The following ZNF438 variants were observed in gnomAD, a reference collection of about 807,000 sequenced individuals.
ZNF438 encodes zinc finger protein 438.
Under a neutral mutation model 38.0 loss-of-function variants are expected in ZNF438, and 25 were observed. The observed-to-expected ratio is 0.66, with a 90% confidence interval of 0.48 to 0.92. The LOEUF (loss-of-function observed/expected upper bound fraction) is 0.92, where lower values mean the gene tolerates loss of function less well. Ranked by LOEUF, ZNF438 falls within the 40% of genes least tolerant of loss-of-function variation. The pLI, the probability that ZNF438 is intolerant of heterozygous loss-of-function variation, is 0.00. For missense variants in ZNF438, 1,007 were observed against 999.6 expected (o/e 1.01, Z -0.10); for synonymous variants, 372 against 364.1 (o/e 1.02, Z -0.25).
intron 1 of ZNF438, among the ~76,000 whole-genome samples, chr10:31,011,427 T>G (rs1325037543): frequency 6.6e-6 from 1 of 151,976 alleles, no homozygotes; most frequent in African/African-American, 2.4e-5. Context: ...GAATAAAAGG[T>G]CTGAAAACCT....
intron 4 of ZNF438, chr10:30,875,473 G>A: frequency 5.1e-6 from 5 of 984,010 alleles, no homozygotes; most frequent in Non-Finnish European, 6.0e-6. Flanking sequence ...CCTGATACTT[G>A]TTCCATTATT....
intron 2 of ZNF438, among the ~76,000 whole-genome samples, chr10:30,912,485 T>C (rs2043182860): frequency 6.6e-6 from 1 of 152,140 alleles, no homozygotes; most frequent in Non-Finnish European, 1.5e-5. Flanking sequence ...CCCTAGGATA[T>C]CTCATCCATT....
In ZNF438 at chr10:31,001,917, G is replaced by A. The variant is rs532434143; in HGVS notation, c.-192+29916C>T. ...ACACCCATGGCTGCAATACAGTGCC[G>A]AATGCAAATCAGAGTGCTCATTGGC... On this transcript the variant is annotated intron_variant, in intron 1 of 5. Transcript: ENST00000413025. Among the ~76,000 whole-genome samples the A allele has an allele frequency of 9.8e-4, 150 of 152,326 alleles. 2 individuals carry two copies. The highest frequency in any genetic ancestry group is 2.8e-3 in the African/African-American group (117 of 41,572).
At chr10:30,858,699 T>C (rs759405059) in intron 4 of ZNF438, among the ~76,000 whole-genome samples, 2 of 152,194 alleles carry the variant, frequency 1.3e-5, no homozygotes, top group Non-Finnish European at 1.5e-5. Flanking sequence ...TTTGAGACAA[T>C]GCAAAGGAAA....
At chr10:30,878,208 T>A (rs2038722271) in intron 3 of ZNF438, among the ~76,000 whole-genome samples, 1 of 152,172 alleles carries the variant, frequency 6.6e-6, no homozygotes, top group African/African-American at 2.4e-5. Flanking sequence ...CTGAATAATG[T>A]CTTTTTACCA....
chr10:30,917,706 A>C (rs2043812188), intron 2 of ZNF438, among the ~76,000 whole-genome samples: 1 of 152,158 alleles, frequency 6.6e-6, no homozygotes, highest in South Asian at 2.1e-4. Flanking sequence ...TTAGCTATAT[A>C]TTCCTTTGAC....
chr10:30,933,002 G>C (rs551933042), intron 2 of ZNF438, among the ~76,000 whole-genome samples: 29 of 152,350 alleles, frequency 1.9e-4, no homozygotes, highest in African/African-American at 6.5e-4. Flanking sequence ...GGTCCTGCCA[G>C]CACCTTGACT....
intron 2 of ZNF438, among the ~76,000 whole-genome samples, chr10:30,937,576 A>C (rs2046386523): frequency 6.6e-6 from 1 of 152,210 alleles, no homozygotes; most frequent in African/African-American, 2.4e-5. Context: ...CCTTCCATTA[A>C]ATGCAAACTG....
intron 3 of ZNF438, among the ~76,000 whole-genome samples, chr10:30,884,545 T>C (rs1004965410): frequency 6.6e-6 from 1 of 152,122 alleles, no homozygotes; most frequent in Non-Finnish European, 1.5e-5. Flanking sequence ...CCTCTGAAAA[T>C]TATAACCTGA....
chr10:31,012,771 T>C lies in ZNF438; in HGVS notation c.-192+19062A>G, dbSNP rs377160999. Among the ~76,000 whole-genome samples, 57 of 152,250 alleles carry C rather than the reference T, an allele frequency of 3.7e-4. 1 individual carries two copies. Among genetic ancestry groups the C allele is most frequent in the African/African-American group, 1.2e-3 (51 of 41,554 alleles). On this transcript the variant is annotated intron_variant, in intron 1 of 5. Transcript: ENST00000413025. ...TCCTCCAAGCTTCACTTCTTATCCA[T>C]TGTAACCCAGAATCTGATCTCCCAG...
chr10:30,955,253 T>C (rs1392132514), intron 1 of ZNF438, among the ~76,000 whole-genome samples: 6 of 152,146 alleles, frequency 3.9e-5, no homozygotes, highest in African/African-American at 1.4e-4. Flanking sequence ...ATAAGGAACA[T>C]AGGAAGAGAC....
chr10:31,017,679 C>T (rs2056301300), intron 1 of ZNF438, among the ~76,000 whole-genome samples: 1 of 152,206 alleles, frequency 6.6e-6, no homozygotes. Flanking sequence ...AGGTTAGCTA[C>T]CTTGAGATTA....
chr10:31,026,274 A>C (rs1248086076), intron 1 of ZNF438, among the ~76,000 whole-genome samples: 1 of 152,256 alleles, frequency 6.6e-6, no homozygotes, highest in Non-Finnish European at 1.5e-5. Context: ...CTGCACAGCA[A>C]AAGAAACTAC....
chr10:31,028,528 G>A (rs2057084232), intron 1 of ZNF438, among the ~76,000 whole-genome samples: 1 of 152,172 alleles, frequency 6.6e-6, no homozygotes, highest in Non-Finnish European at 1.5e-5. Flanking sequence ...TCCTGCAACA[G>A]CTTAGGCATT....
intron 1 of ZNF438, among the ~76,000 whole-genome samples, chr10:30,968,416 A>AATT (rs1263506765): frequency 6.6e-6 from 1 of 151,354 alleles, no homozygotes; most frequent in Non-Finnish European, 1.5e-5. Context: ...AAGCTTAGAG[A>AATT]ATTTAACTGA....
At chr10:31,004,984 A>G (rs1245409090) in intron 1 of ZNF438, among the ~76,000 whole-genome samples, 3 of 152,348 alleles carry the variant, frequency 2.0e-5, no homozygotes, top group Non-Finnish European at 4.4e-5. Flanking sequence ...TGGTGTGAAA[A>G]AGAGAAACCT....
intron 1 of ZNF438, among the ~76,000 whole-genome samples, chr10:31,003,031 G>A (rs1389356480): frequency 1.3e-5 from 2 of 152,114 alleles, no homozygotes; most frequent in Non-Finnish European, 1.5e-5. Flanking sequence ...ATTAGCAAAG[G>A]GGGCTCAGTC....
At chr10:30,914,076 G>C (rs1283807206) in intron 2 of ZNF438, among the ~76,000 whole-genome samples, 2 of 152,028 alleles carry the variant, frequency 1.3e-5, no homozygotes, top group African/African-American at 4.8e-5. Flanking sequence ...AATCAAAATT[G>C]ATTTTAATGG....
chr10:30,883,799 T>C (rs2039588160), intron 3 of ZNF438, among the ~76,000 whole-genome samples: 1 of 152,104 alleles, frequency 6.6e-6, no homozygotes, highest in Non-Finnish European at 1.5e-5. Flanking sequence ...GGTGGGAGGA[T>C]CCCTTGACGA....
Sources: allele counts gnomAD v4.1 joint callset (sites outside exome capture counted in the v4.1 genomes callset), GRCh38; gene constraint gnomAD v4.1.1; transcripts MANE v1.5; gene names NCBI Gene and HGNC (gene_info 2026-07-23, HGNC 2026-07-21).